The following DNAI3 variants were observed in gnomAD, a reference collection of about 807,000 sequenced individuals.
The protein encoded by DNAI3 is dynein axonemal intermediate chain 3, also known as WD repeat domain 63.
DNAI3 carries 83 observed loss-of-function variants against 115.5 expected under a neutral mutation model. That is an observed-to-expected ratio of 0.72 (90% CI 0.60 to 0.86). The LOEUF (loss-of-function observed/expected upper bound fraction) is 0.86, where lower values mean the gene tolerates loss of function less well. DNAI3 is among the 40% of genes least tolerant of loss of function. DNAI3 has a pLI of 0.00. For missense variants in DNAI3, 1,004 were observed against 1,075.8 expected, an observed-to-expected ratio of 0.93 and a Z score of 0.93; for synonymous variants, 320 against 347.0, an observed-to-expected ratio of 0.92 and a Z score of 0.86.
intron 16 of DNAI3, among the ~76,000 whole-genome samples, chr1:85,114,015 CTTTTT>C (rs58178754): frequency 8.5e-6 from 1 of 117,668 alleles, no homozygotes. Context: ...CAATTTGTAT[CTTTTT>C]TTTTTTTTTT....
chr1:85,067,629 A>G (rs1230925296), intron 1 of DNAI3, among the ~76,000 whole-genome samples: 1 of 152,236 alleles, frequency 6.6e-6, no homozygotes, highest in Non-Finnish European at 1.5e-5. Context: ...TGAAATTAAG[A>G]TCAGCGGAAC....
At chr1:85,071,830 A>T (rs1350425136) in intron 1 of DNAI3, 98 bp from the exon 2 acceptor site, 43 of 1,218,230 alleles carry the variant, frequency 3.5e-5, no homozygotes, top group Non-Finnish European at 4.5e-5. Flanking sequence ...CTTAGAAAAC[A>T]TATTCTTATG....
At chr1:85,122,911 C>T (rs1656031506) in intron 18 of DNAI3, among the ~76,000 whole-genome samples, 1 of 152,036 alleles carries the variant, frequency 6.6e-6, no homozygotes, top group African/African-American at 2.4e-5. Flanking sequence ...GAGAGGAAAC[C>T]CAAGCAGAAT....
intron 11 of DNAI3, among the ~76,000 whole-genome samples, chr1:85,096,511 T>TTATATA (rs773006375): frequency 4.8e-5 from 6 of 123,800 alleles, no homozygotes; most frequent in Non-Finnish European, 8.7e-5. Context: ...TATATAAAGA[T>TTATATA]TATATATAAA....
chr1:85,085,552 G>T (rs927025830), intron 6 of DNAI3, among the ~76,000 whole-genome samples: 52 of 152,186 alleles, frequency 3.4e-4, no homozygotes, highest in Non-Finnish European at 5.0e-4. Context: ...GCCAAGGAGA[G>T]GGGTTTATGT....
chr1:85,117,886 A>G, intron 17 of DNAI3, 27 bp downstream of exon 17: 1 of 1,604,556 alleles, frequency 6.2e-7, no homozygotes, highest in Non-Finnish European at 8.5e-7. Context: ...TGCTTTTAAA[A>G]TTAATACTTA....
intron 1 of DNAI3, among the ~76,000 whole-genome samples, chr1:85,064,716 G>A (rs1445766436): frequency 6.6e-6 from 1 of 151,700 alleles, no homozygotes; most frequent in African/African-American, 2.4e-5. Context: ...CCTGGGCAAC[G>A]AAGCCAGACC....
intron 21 of DNAI3, 141 bp downstream of exon 21, chr1:85,128,940 C>A (rs759778469): frequency 1.4e-6 from 1 of 725,176 alleles, no homozygotes; most frequent in Non-Finnish European, 2.3e-6. Context: ...GGATGTATTT[C>A]TGTTGTATGA....
chr1:85,073,934 A>G (rs1003434679), intron 3 of DNAI3, among the ~76,000 whole-genome samples: 1 of 152,032 alleles, frequency 6.6e-6, no homozygotes, highest in African/African-American at 2.4e-5. Context: ...AGGTGGGGAG[A>G]AAGTGGGAGA....
intron 13 of DNAI3, chr1:85,099,223 T>C (rs1171723160): frequency 2.0e-6 from 2 of 984,846 alleles, no homozygotes; most frequent in African/African-American, 3.5e-5. Flanking sequence ...AACTGGCAAG[T>C]TCCCCACATG....
intron 18 of DNAI3, 140 bp from the exon 19 acceptor site, chr1:85,123,981 C>A: frequency 9.8e-7 from 1 of 1,015,234 alleles, no homozygotes; most frequent in Non-Finnish European, 1.4e-6. Flanking sequence ...CAGATCTATT[C>A]ATCCCAGCTA....
At position 85,117,784 on chromosome 1, in the gene DNAI3, T is replaced by C; in HGVS notation, c.1842T>C (p.His614=). 1 of 1,613,962 alleles carries C rather than the reference T, an allele frequency of 6.2e-7. No individual in the cohort carries two copies. The highest frequency in any genetic ancestry group is 8.5e-7 in the Non-Finnish European group (1 of 1,179,858). Residue 614 remains histidine, a synonymous_variant, in exon 17 of 23, where the codon CAT becomes CAC. Transcript: ENST00000294664. ...TEKAEEMNPY[H]NLESGMANLL... Reference sequence around the variant, plus strand: ...AGGCAGAAGAAATGAACCCGTATCATAATCTGGAAAGTGGGATGGCCAATC... The same window carrying C: ...AGGCAGAAGAAATGAACCCGTATCACAATCTGGAAAGTGGGATGGCCAATC...
chr1:85,097,492 A>G, intron 11 of DNAI3, 77 bp from the exon 12 acceptor site: 1 of 1,380,738 alleles, frequency 7.2e-7, no homozygotes, highest in Middle Eastern at 1.9e-4. Flanking sequence ...CAGGCTACAA[A>G]CCAATAGTTA....
At position 85,120,776 on chromosome 1, in the gene DNAI3, A is replaced by G. The variant is rs541541294; in HGVS notation, c.1918-975A>G. Reference sequence around the variant, plus strand: ...TAGACTGTGAGGATCGTGAGTAGAGAGAGGGCTTGTCCTTGGATTTGGAAT... The same window carrying G: ...TAGACTGTGAGGATCGTGAGTAGAGGGAGGGCTTGTCCTTGGATTTGGAAT... On this transcript the variant is annotated intron_variant, in intron 17 of 22. Transcript: ENST00000294664. 1.1e-3 allele frequency among the ~76,000 whole-genome samples: 174 copies of G among 152,278 alleles called. 2 individuals carry two copies. Among genetic ancestry groups the G allele is most frequent in the African/African-American group, 4.1e-3 (169 of 41,562 alleles).
chr1:85,067,929 C>A (rs1169898586), intron 1 of DNAI3, among the ~76,000 whole-genome samples: 1 of 152,162 alleles, frequency 6.6e-6, no homozygotes, highest in Non-Finnish European at 1.5e-5. Context: ...ATCTGAACTA[C>A]AAAGCTGTAA....
intron 20 of DNAI3, among the ~76,000 whole-genome samples, chr1:85,127,103 A>G (rs1656171062): frequency 6.6e-6 from 1 of 152,118 alleles, no homozygotes; most frequent in Non-Finnish European, 1.5e-5. Flanking sequence ...TTTTTTTCCC[A>G]GATAGAATAA....
In DNAI3 at chr1:85,104,549, A is replaced by G; in HGVS notation, c.1505A>G (p.Glu502Gly). ...ATTAACAGAATGGGCTCCGTCTTTG[A>G]GAATCGAAGTGGAATATGCTGTCAA... Reference protein sequence around the residue: ...FEINRMGSVFENRSGICCQLV... With the variant: ...FEINRMGSVFGNRSGICCQLV... Residue 502 changes from glutamate (E) to glycine (G), a missense_variant, in exon 14 of 23, where the codon GAG becomes GGG. By Grantham distance (98) the Glu-to-Gly change is moderately conservative. Around this residue, in one of 3 missense-constraint regions of DNAI3, gnomAD observed 25 missense variants for 53.4 expected, o/e 0.47. Transcript: ENST00000294664. 1.2e-6 allele frequency: 2 copies of G among 1,613,936 alleles called. No homozygotes were observed. The highest frequency in any genetic ancestry group is 1.7e-6 in the Non-Finnish European group (2 of 1,179,884).
chr1:85,120,314 G>GGAGAGAA (rs1214485616), intron 17 of DNAI3, among the ~76,000 whole-genome samples: 1 of 152,208 alleles, frequency 6.6e-6, no homozygotes, highest in Non-Finnish European at 1.5e-5. Context: ...AACCCTGGAG[G>GGAGAGAA]GAGAGAAGAC....
chr1:85,070,810 T>C (rs1282079269), intron 1 of DNAI3, among the ~76,000 whole-genome samples: 1 of 152,212 alleles, frequency 6.6e-6, no homozygotes, highest in Non-Finnish European at 1.5e-5. Context: ...AGTAAAGTAC[T>C]TGGAACTGTG....
Sources: allele counts gnomAD v4.1 joint callset (sites outside exome capture counted in the v4.1 genomes callset), GRCh38; gene constraint gnomAD v4.1.1; regional missense constraint gnomAD v4.1.1; transcripts MANE v1.5; gene names NCBI Gene and HGNC (gene_info 2026-07-23, HGNC 2026-07-21).